The following KHDRBS2 variants were observed in gnomAD, a reference collection of about 807,000 sequenced individuals.
KHDRBS2 encodes the protein KH RNA binding domain containing, signal transduction associated 2.
Under a neutral mutation model 44.3 loss-of-function variants are expected in KHDRBS2, and 26 were observed. That is an observed-to-expected ratio of 0.59 (90% confidence interval 0.43 to 0.81). The LOEUF is 0.81. KHDRBS2 is among the 40% of genes least tolerant of loss of function. The probability of loss-of-function intolerance (pLI) is 0.00; values close to 1 mark genes in which losing one functional copy is unlikely to be tolerated. For synonymous variants in KHDRBS2, 194 were observed against 151.1 expected, an observed-to-expected ratio of 1.28 and a Z score of -2.08; for missense variants, 476 against 433.1, an observed-to-expected ratio of 1.10 and a Z score of -0.88.
intron 1 of KHDRBS2, among the ~76,000 whole-genome samples, chr6:62,196,080 T>C (rs927383960): frequency 6.6e-6 from 1 of 152,104 alleles, no homozygotes; most frequent in Non-Finnish European, 1.5e-5. Context: ...TCCTTTAGGA[T>C]CAATAACTTA....
chr6:61,855,790 T>C (rs1583187391), intron 6 of KHDRBS2, among the ~76,000 whole-genome samples: 1 of 152,120 alleles, frequency 6.6e-6, no homozygotes, highest in South Asian at 2.1e-4. Context: ...GGCGGGGCAG[T>C]TCTGAAGCGC....
intron 1 of KHDRBS2, among the ~76,000 whole-genome samples, chr6:62,226,925 A>C (rs1288163236): frequency 6.6e-6 from 1 of 152,160 alleles, no homozygotes; most frequent in African/African-American, 2.4e-5. Flanking sequence ...TGGTTACTGT[A>C]CCATTGTAGT....
chr6:62,137,501 T>C (rs149474588), intron 2 of KHDRBS2, among the ~76,000 whole-genome samples: 24 of 152,298 alleles, frequency 1.6e-4, no homozygotes, highest in African/African-American at 2.9e-4. Context: ...TTATAAATGG[T>C]ACTTATAAAT....
At chr6:61,745,958 C>T (rs1776798109) in intron 6 of KHDRBS2, among the ~76,000 whole-genome samples, 1 of 152,086 alleles carries the variant, frequency 6.6e-6, no homozygotes, top group East Asian at 1.9e-4. Context: ...TCTTACATTT[C>T]TTTAGAACTT....
intron 6 of KHDRBS2, among the ~76,000 whole-genome samples, chr6:61,804,793 T>A (rs1473365262): frequency 6.6e-6 from 1 of 152,190 alleles, no homozygotes; most frequent in Non-Finnish European, 1.5e-5. Context: ...GTCCTAAGAC[T>A]GCACAAAGAA....
intron 1 of KHDRBS2, among the ~76,000 whole-genome samples, chr6:62,232,326 T>C (rs1238083384): frequency 1.3e-5 from 2 of 152,226 alleles, no homozygotes; most frequent in African/African-American, 4.8e-5. Context: ...TAAATAATTA[T>C]TGAATAAATG....
At chr6:62,026,417 T>C (rs1037698022) in intron 3 of KHDRBS2, among the ~76,000 whole-genome samples, 3 of 143,124 alleles carry the variant, frequency 2.1e-5, no homozygotes, top group African/African-American at 7.5e-5. Flanking sequence ...TTTTATTTTA[T>C]TTATTATTAT....
In KHDRBS2 at chr6:62,259,618, T is replaced by C. The variant is rs1837999499; in HGVS notation, c.91+26240A>G. On this transcript the variant is annotated intron_variant, in intron 1 of 8. Transcript: ENST00000281156. ...TTTAGATTCACTGAAATAAAAATCA[T>C]ATGACAGAAAACATTTCTCGATTGA... 1.3e-5 allele frequency among the ~76,000 whole-genome samples: 2 copies of C among 151,972 alleles called. 1 individual carries two copies. Among genetic ancestry groups the C allele is most frequent in the Non-Finnish European group, 2.9e-5 (2 of 67,944 alleles).
intron 4 of KHDRBS2, among the ~76,000 whole-genome samples, chr6:61,942,187 G>A (rs1052617251): frequency 6.6e-6 from 1 of 151,928 alleles, no homozygotes; most frequent in Non-Finnish European, 1.5e-5. Flanking sequence ...TTGAACTCTT[G>A]GCCTCAAGTG....
intron 1 of KHDRBS2, among the ~76,000 whole-genome samples, chr6:62,278,527 C>G (rs928285477): frequency 6.6e-5 from 10 of 152,060 alleles, no homozygotes; most frequent in Non-Finnish European, 1.5e-4. Flanking sequence ...TCCTATATAA[C>G]TAGTCAATGA....
chr6:61,686,634 C>A lies in KHDRBS2; in HGVS notation c.953-5574G>T, dbSNP rs111607102. On this transcript the variant is annotated intron_variant, in intron 8 of 8. Transcript: ENST00000281156. ...CTAGGTGTTTTGTGTATATTATTAG[C>A]AAATATCACAATTTTCCTACAAGGT... Among the ~76,000 whole-genome samples the A allele has an allele frequency of 5.3e-5, 8 of 151,644 alleles. 1 individual carries two copies. The highest frequency in any genetic ancestry group is 3.3e-4 in the Admixed American group (5 of 15,154).
At chr6:61,777,399 C>T (rs190723305) in intron 6 of KHDRBS2, among the ~76,000 whole-genome samples, 92 of 152,216 alleles carry the variant, frequency 6.0e-4, no homozygotes, top group Middle Eastern at 3.4e-3. Context: ...GTTTGCCATG[C>T]TGTGTTGTCA....
intron 2 of KHDRBS2, among the ~76,000 whole-genome samples, chr6:62,068,187 G>A (rs751751792): frequency 1.3e-5 from 2 of 151,386 alleles, no homozygotes; most frequent in Admixed American, 6.6e-5. Context: ...TCCACTTCTC[G>A]GTCAACACTT....
At chr6:62,143,829 T>C (rs1346902160) in intron 2 of KHDRBS2, among the ~76,000 whole-genome samples, 1 of 151,996 alleles carries the variant, frequency 6.6e-6, no homozygotes, top group African/African-American at 2.4e-5. Flanking sequence ...ATATTATGGA[T>C]TCATGTTGAC....
intron 2 of KHDRBS2, among the ~76,000 whole-genome samples, chr6:62,155,867 T>C (rs1816254695): frequency 6.6e-6 from 1 of 152,180 alleles, no homozygotes; most frequent in African/African-American, 2.4e-5. Context: ...GCATAATCTT[T>C]CCATTTTTGT....
chr6:62,085,917 T>C (rs1392715814), intron 2 of KHDRBS2, among the ~76,000 whole-genome samples: 3 of 152,158 alleles, frequency 2.0e-5, no homozygotes, highest in African/African-American at 7.2e-5. Flanking sequence ...AAAGTGGATT[T>C]CCTTTGGGAA....
At chr6:61,659,499 G>A in the KHDRBS2 span, among the ~76,000 whole-genome samples, 10 of 151,838 alleles carry the variant, frequency 6.6e-5, no homozygotes, top group African/African-American at 2.4e-4. Context: ...TGTTTTTAGG[G>A]TCAGTGATAT....
chr6:61,864,993 C>G (rs1214308131), intron 6 of KHDRBS2, among the ~76,000 whole-genome samples: 1 of 152,018 alleles, frequency 6.6e-6, no homozygotes, highest in Admixed American at 6.5e-5. Flanking sequence ...TTTAACTGTT[C>G]TTTTCTGCCT....
the KHDRBS2 span, among the ~76,000 whole-genome samples, chr6:61,664,854 T>C: frequency 1.3e-5 from 2 of 151,708 alleles, no homozygotes; most frequent in Non-Finnish European, 3.0e-5. Flanking sequence ...TTTAGCACTA[T>C]AGTTTTAATA....
Sources: allele counts gnomAD v4.1 joint callset (sites outside exome capture counted in the v4.1 genomes callset), GRCh38; gene constraint gnomAD v4.1.1; transcripts MANE v1.5; gene names NCBI Gene and HGNC (gene_info 2026-07-23, HGNC 2026-07-21).